Variants in ZNF521 observed in about 807,000 individuals in gnomAD.
ZNF521 encodes LYST-interacting protein 3.
Under a neutral mutation model 105.5 loss-of-function variants are expected in ZNF521, and 14 were observed. That is an observed-to-expected ratio of 0.13 (90% CI 0.09 to 0.21). The LOEUF (loss-of-function observed/expected upper bound fraction) is 0.21. Ranked by LOEUF, ZNF521 falls within the 10% of genes least tolerant of loss-of-function variation. The pLI, the probability that ZNF521 is intolerant of heterozygous loss-of-function variation, is 1.00. For missense variants in ZNF521, 1,233 were observed against 1,629.7 expected, an observed-to-expected ratio of 0.76 and a Z score of 4.19; for synonymous variants, 635 against 606.0, an observed-to-expected ratio of 1.05 and a Z score of -0.70.
intron 2 of ZNF521, among the ~76,000 whole-genome samples, chr18:25,335,548 T>G (rs1769827992): frequency 6.6e-6 from 1 of 152,238 alleles, no homozygotes; most frequent in Admixed American, 6.5e-5. Context: ...GATCCCAAAG[T>G]GAAATTTCCT....
intron 5 of ZNF521, among the ~76,000 whole-genome samples, chr18:25,184,411 G>A (rs1300811087): frequency 6.6e-6 from 1 of 152,092 alleles, no homozygotes; most frequent in African/African-American, 2.4e-5. Flanking sequence ...TGTAAACACT[G>A]TAACAATGAT....
chr18:25,140,870 A>G (rs559097597), intron 5 of ZNF521, among the ~76,000 whole-genome samples: 3 of 152,314 alleles, frequency 2.0e-5, no homozygotes, highest in Admixed American at 2.0e-4. Flanking sequence ...GTTTGGCTGA[A>G]GTAAAATCAA....
At chr18:25,125,535 G>A (rs1187422572) in intron 5 of ZNF521, among the ~76,000 whole-genome samples, 2 of 151,958 alleles carry the variant, frequency 1.3e-5, no homozygotes, top group African/African-American at 2.4e-5. Flanking sequence ...ATGTGTGTGT[G>A]TATGTTGTGT....
At chr18:25,145,664 A>G (rs974304258) in intron 5 of ZNF521, among the ~76,000 whole-genome samples, 1 of 152,158 alleles carries the variant, frequency 6.6e-6, no homozygotes, top group Non-Finnish European at 1.5e-5. Flanking sequence ...CCTCTTTTTG[A>G]GCAAGGACAA....
At chr18:25,349,527 G>A (rs189494716) in intron 2 of ZNF521, among the ~76,000 whole-genome samples, 4 of 152,298 alleles carry the variant, frequency 2.6e-5, no homozygotes, top group African/African-American at 7.2e-5. Context: ...TCCCTTCCCA[G>A]GAGAAGAAAG....
intron 4 of ZNF521, chr18:25,201,223 G>A (rs1343963953): frequency 6.6e-6 from 1 of 152,056 alleles, no homozygotes; most frequent in Non-Finnish European, 1.5e-5. Context: ...GGGTAATTCA[G>A]TTTTATGTCA....
At chr18:25,182,670 T>C (rs899291959) in intron 5 of ZNF521, among the ~76,000 whole-genome samples, 10 of 152,206 alleles carry the variant, frequency 6.6e-5, no homozygotes, top group African/African-American at 2.2e-4. Context: ...CTTATGAGAA[T>C]ACAAATAGCA....
Position 25,203,192 on chromosome 18 carries a change from G to C in ZNF521, c.3574-7948C>G, listed in dbSNP as rs568222215. Among the ~76,000 whole-genome samples, 3 of 152,322 alleles carry C rather than the reference G, an allele frequency of 2.0e-5. No individual in the cohort carries two copies. In the South Asian group the frequency reaches 6.2e-4, roughly 32 times the overall value. On this transcript the variant is annotated intron_variant, in intron 4 of 7. Coordinates refer to ENST00000361524, the MANE Select transcript of ZNF521 (RefSeq NM_015461.3). ...TTCAGAACCAAGTGCCTATTTTGGTGTATTGCAAAGAGAAGACAGAACATG... is the reference window on the plus strand; with the variant it reads ...TTCAGAACCAAGTGCCTATTTTGGTCTATTGCAAAGAGAAGACAGAACATG...
chr18:25,349,133 C>A (rs1374818250), intron 2 of ZNF521, among the ~76,000 whole-genome samples: 1 of 152,084 alleles, frequency 6.6e-6, no homozygotes, highest in Non-Finnish European at 1.5e-5. Context: ...CCCTTTCCAC[C>A]GGACAGGCAC....
chr18:25,325,952 G>A (rs996429597), intron 2 of ZNF521, among the ~76,000 whole-genome samples: 1 of 152,054 alleles, frequency 6.6e-6, no homozygotes, highest in Non-Finnish European at 1.5e-5. Context: ...GCTATAACTT[G>A]CTTTAATAAA....
intron 3 of ZNF521, among the ~76,000 whole-genome samples, chr18:25,314,424 C>T (rs921329748): frequency 2.0e-5 from 3 of 152,130 alleles, no homozygotes; most frequent in African/African-American, 7.2e-5. Context: ...TTCCAGATGT[C>T]TAAAAGTTTT....
intron 3 of ZNF521, among the ~76,000 whole-genome samples, chr18:25,235,131 C>T (rs565480533): frequency 1.1e-3 from 160 of 152,274 alleles, no homozygotes; most frequent in Admixed American, 2.2e-3. Context: ...GTCCACACAA[C>T]GAAAGGGCCT....
chr18:25,320,000 C>G (rs1480304424), intron 3 of ZNF521, among the ~76,000 whole-genome samples: 2 of 152,044 alleles, frequency 1.3e-5, no homozygotes, highest in African/African-American at 2.4e-5. Context: ...AAGACAGAGG[C>G]TGAGAGAACA....
At chr18:25,186,561 T>C (rs2035725331) in intron 5 of ZNF521, among the ~76,000 whole-genome samples, 1 of 152,196 alleles carries the variant, frequency 6.6e-6, no homozygotes, top group Admixed American at 6.5e-5. Context: ...AAGCCTTACT[T>C]ACTCTTTACA....
At chr18:25,092,228 A>G (rs2033761912) in intron 5 of ZNF521, 147 bp from the exon 6 acceptor site, 1 of 934,100 alleles carries the variant, frequency 1.1e-6, no homozygotes. Flanking sequence ...GTTATTTCAC[A>G]TTATTCATGA....
chr18:25,158,634 A>G (rs558610034), intron 5 of ZNF521, among the ~76,000 whole-genome samples: 1 of 152,184 alleles, frequency 6.6e-6, no homozygotes, highest in East Asian at 1.9e-4. Context: ...AAGGAAGAAG[A>G]AAAGGAAATG....
chr18:25,298,463 T>C (rs1456125368), intron 3 of ZNF521, among the ~76,000 whole-genome samples: 1 of 152,174 alleles, frequency 6.6e-6, no homozygotes, highest in Admixed American at 6.5e-5. Context: ...AAGTCTCAAA[T>C]AAAGTGATGC....
chr18:25,194,065 G>A (rs73407180), intron 5 of ZNF521, among the ~76,000 whole-genome samples: 2,956 of 151,664 alleles, frequency 0.019, 85 homozygotes, highest in African/African-American at 0.068. Flanking sequence ...GAAATGACAG[G>A]GGAACAACCT....
intron 7 of ZNF521, among the ~76,000 whole-genome samples, chr18:25,083,668 T>C (rs555001185): frequency 8.0e-4 from 122 of 152,322 alleles, no homozygotes; most frequent in African/African-American, 2.9e-3. Context: ...ATTGTAAATA[T>C]ATGTCTAATT....
Sources: gnomAD v4.1 joint callset for allele counts (sites outside exome capture counted in the v4.1 genomes callset) on GRCh38, gnomAD v4.1.1 for gene constraint, MANE v1.5 for transcripts, NCBI Gene and HGNC (gene_info 2026-07-23, HGNC 2026-07-21) for gene names.